Variants in DNAH14 observed in about 807,000 individuals in gnomAD.
DNAH14 encodes dynein axonemal heavy chain 14.
Under a neutral mutation model 520.9 loss-of-function variants are expected in DNAH14, and 478 were observed. The ratio of observed to expected loss-of-function variants is 0.92; its 90% CI spans 0.85 to 0.99. The LOEUF (loss-of-function observed/expected upper bound fraction) is 0.99. DNAH14 is among the 50% of genes least tolerant of loss of function. DNAH14 has a pLI of 0.00. For missense variants in DNAH14, 4,831 were observed against 5,234.5 expected (o/e 0.92, Z 2.38); for synonymous variants, 1,581 against 1,757.2 (o/e 0.90, Z 2.51).
At chr1:225,041,336 C>T (rs1331157507) in intron 12 of DNAH14, among the ~76,000 whole-genome samples, 1 of 152,214 alleles carries the variant, frequency 6.6e-6, no homozygotes, top group Non-Finnish European at 1.5e-5. Flanking sequence ...CCTTCCTAAT[C>T]CCCATTGTAA....
intron 23 of DNAH14, among the ~76,000 whole-genome samples, chr1:225,113,253 G>A (rs1558997518): frequency 6.6e-6 from 1 of 152,284 alleles, no homozygotes; most frequent in East Asian, 1.9e-4. Flanking sequence ...CACCTTGGTG[G>A]CCTTGGATAA....
At chr1:225,071,459 G>A (rs2071534108) in intron 17 of DNAH14, among the ~76,000 whole-genome samples, 1 of 152,174 alleles carries the variant, frequency 6.6e-6, no homozygotes, top group Non-Finnish European at 1.5e-5. Flanking sequence ...GGCCAGATAT[G>A]AAATTCTGGG....
At chr1:225,160,682 C>T (rs1325590021) in intron 35 of DNAH14, among the ~76,000 whole-genome samples, 1 of 152,086 alleles carries the variant, frequency 6.6e-6, no homozygotes, top group Non-Finnish European at 1.5e-5. Flanking sequence ...TTCAACAAAC[C>T]ACTATCTTAA....
At chr1:225,124,705 C>A (rs1170852194) in intron 27 of DNAH14, among the ~76,000 whole-genome samples, 1 of 152,138 alleles carries the variant, frequency 6.6e-6, no homozygotes, top group Non-Finnish European at 1.5e-5. Context: ...AAATCAACTT[C>A]TTTCAAAGTC....
At chr1:225,396,874 T>A (rs1306330614) in intron 84 of DNAH14, 1 of 152,236 alleles carries the variant, frequency 6.6e-6, no homozygotes, top group Non-Finnish European at 1.5e-5. Flanking sequence ...CATTGTCAAA[T>A]GCGTTAGATT....
At chr1:224,967,678 A>C in intron 6 of DNAH14, 95 bp downstream of exon 6, 1 of 1,598,892 alleles carries the variant, frequency 6.3e-7, no homozygotes, top group Non-Finnish European at 8.5e-7. Flanking sequence ...TTTGTGTTTC[A>C]GAGATACTTG....
Position 224,953,730 on chromosome 1 carries a change from T to A in DNAH14, c.77+951T>A, listed in dbSNP as rs145855215. Among the ~76,000 whole-genome samples the A allele has an allele frequency of 2.1e-3, 316 of 152,292 alleles. 1 individual carries two copies. The highest frequency in any genetic ancestry group is 7.3e-3 in the African/African-American group (302 of 41,564). On this transcript the variant is annotated intron_variant, in intron 2 of 85. Transcript: ENST00000682510. ...ATGGTGCTGTGACAATTGTATATCC[T>A]TATTGGGTGGGGGCAGGGGAAGAAA...
At chr1:225,091,449 A>G (rs780559311) in intron 21 of DNAH14, among the ~76,000 whole-genome samples, 14 of 152,162 alleles carry the variant, frequency 9.2e-5, no homozygotes, top group Non-Finnish European at 1.3e-4. Flanking sequence ...CAAAATAGAA[A>G]TTCCAACCAA....
At chr1:225,211,972 A>T (rs1010784991) in intron 41 of DNAH14, among the ~76,000 whole-genome samples, 5 of 151,832 alleles carry the variant, frequency 3.3e-5, no homozygotes, top group Admixed American at 3.3e-4. Context: ...TTTGTTACGT[A>T]TGTATACATG....
intron 54 of DNAH14, among the ~76,000 whole-genome samples, chr1:225,278,154 T>C (rs2093537447): frequency 6.6e-6 from 1 of 150,742 alleles, no homozygotes; most frequent in Admixed American, 6.6e-5. Context: ...AACAGACATA[T>C]GCAACAAGAT....
At chr1:224,952,142 T>G (rs2060218135) in intron 1 of DNAH14, among the ~76,000 whole-genome samples, 1 of 152,208 alleles carries the variant, frequency 6.6e-6, no homozygotes, top group Non-Finnish European at 1.5e-5. Context: ...TTCTGTATCT[T>G]GTTAGATTTC....
chr1:224,966,739 C>T (rs1406003585), intron 5 of DNAH14, among the ~76,000 whole-genome samples: 1 of 152,022 alleles, frequency 6.6e-6, no homozygotes, highest in East Asian at 1.9e-4. Context: ...AGGCTGAAGC[C>T]ACAATGGTGT....
intron 84 of DNAH14, among the ~76,000 whole-genome samples, chr1:225,394,457 A>G (rs540554947): frequency 2.6e-5 from 4 of 152,332 alleles, no homozygotes; most frequent in South Asian, 4.1e-4. Context: ...CTGTTTAAGA[A>G]ATCTTTGCCT....
chr1:225,160,257 G>A (rs567998615), intron 35 of DNAH14, among the ~76,000 whole-genome samples: 13 of 152,098 alleles, frequency 8.5e-5, no homozygotes, highest in Non-Finnish European at 1.6e-4. Flanking sequence ...ATTTTATCAG[G>A]TGTCAGGCCA....
At chr1:225,238,254 A>T (rs1163504964) in intron 42 of DNAH14, among the ~76,000 whole-genome samples, 1 of 152,120 alleles carries the variant, frequency 6.6e-6, no homozygotes, top group Non-Finnish European at 1.5e-5. Flanking sequence ...GGGCTTATCT[A>T]TCTTAAATCT....
At chr1:225,063,003 A>G (rs1196476120) in intron 17 of DNAH14, among the ~76,000 whole-genome samples, 1 of 152,206 alleles carries the variant, frequency 6.6e-6, no homozygotes, top group African/African-American at 2.4e-5. Context: ...CTAAGAGAAA[A>G]AAAATAAATG....
chr1:225,200,610 A>T (rs1272751404), intron 38 of DNAH14, among the ~76,000 whole-genome samples: 1 of 152,066 alleles, frequency 6.6e-6, no homozygotes, highest in Non-Finnish European at 1.5e-5. Context: ...TCCTTCATTT[A>T]TGAAGCTTAG....
chr1:225,002,461 T>C (rs1338640770), intron 8 of DNAH14, among the ~76,000 whole-genome samples: 2 of 152,164 alleles, frequency 1.3e-5, no homozygotes, highest in Admixed American at 1.3e-4. Context: ...GTGAATTTAA[T>C]ACATTGAGGA....
Position 225,142,698 on chromosome 1 carries a change from C to T in DNAH14, c.4508+1677C>T, listed in dbSNP as rs371116423. 4.5e-4 allele frequency among the ~76,000 whole-genome samples: 68 copies of T among 152,166 alleles called. 1 individual carries two copies. In the South Asian group the frequency reaches 0.013, roughly 28 times the overall value. On this transcript the variant is annotated intron_variant, in intron 28 of 85. Coordinates refer to ENST00000682510, the MANE Select transcript of DNAH14 (RefSeq NM_001367479.1). ...AATCCCAGCTCTTTGGGAGGGAGGC[C>T]GGGTGGATCACTTGAGGTCCAGAGT... is the stretch of plus-strand genomic sequence containing the variant.
Sources: allele counts gnomAD v4.1 joint callset (sites outside exome capture counted in the v4.1 genomes callset), GRCh38; gene constraint gnomAD v4.1.1; transcripts MANE v1.5; gene names NCBI Gene and HGNC (gene_info 2026-07-23, HGNC 2026-07-21).